Variants in MIPOL1 observed in about 807,000 individuals in gnomAD.
The protein encoded by MIPOL1 is mirror-image polydactyly gene 1 protein.
In MIPOL1, 57 loss-of-function variants were observed where a neutral mutation model predicts 60.9. The ratio of observed to expected loss-of-function variants is 0.94; its 90% CI spans 0.76 to 1.17. The LOEUF is 1.17. Among genes scored for constraint, MIPOL1 ranks in the 50% most tolerant of loss-of-function variants. The pLI, the probability that MIPOL1 is intolerant of heterozygous loss-of-function variation, is 0.00. For missense variants in MIPOL1, 551 were observed against 511.6 expected (o/e 1.08, Z -0.74); for synonymous variants, 179 against 168.8 (o/e 1.06, Z -0.47).
At chr14:37,531,308 C>T (rs2095477858) in intron 12 of MIPOL1, among the ~76,000 whole-genome samples, 1 of 152,032 alleles carries the variant, frequency 6.6e-6, no homozygotes, top group Non-Finnish European at 1.5e-5. Flanking sequence ...CTACGTTACC[C>T]TCTTTTCTTT....
chr14:37,340,527 T>G (rs1282646247), intron 9 of MIPOL1, among the ~76,000 whole-genome samples: 1 of 151,938 alleles, frequency 6.6e-6, no homozygotes, highest in Non-Finnish European at 1.5e-5. Context: ...CTGGGCAACA[T>G]AGTGAGACCC....
chr14:37,201,687 T>C (rs1965369046), intron 1 of MIPOL1, among the ~76,000 whole-genome samples: 1 of 152,206 alleles, frequency 6.6e-6, no homozygotes, highest in Non-Finnish European at 1.5e-5. Flanking sequence ...CCTTTCTTCC[T>C]TAAATGTCTC....
intron 9 of MIPOL1, among the ~76,000 whole-genome samples, chr14:37,363,580 T>C (rs960210091): frequency 1.3e-5 from 2 of 152,162 alleles, no homozygotes; most frequent in African/African-American, 4.8e-5. Flanking sequence ...TTAGGCTACA[T>C]GATTGTCAGG....
At chr14:37,234,995 G>A (rs562401854) in intron 1 of MIPOL1, among the ~76,000 whole-genome samples, 9 of 135,820 alleles carry the variant, frequency 6.6e-5, no homozygotes, top group Non-Finnish European at 1.1e-4. Context: ...GTTTCACCGT[G>A]TTAGCCAGGA....
At chr14:37,297,747 A>G (rs2085903111) in intron 7 of MIPOL1, among the ~76,000 whole-genome samples, 1 of 152,044 alleles carries the variant, frequency 6.6e-6, no homozygotes, top group African/African-American at 2.4e-5. Context: ...CCAACTTACA[A>G]GGGATGTGAA....
chr14:37,212,527 T>C (rs1202604135), intron 1 of MIPOL1, among the ~76,000 whole-genome samples: 2 of 152,132 alleles, frequency 1.3e-5, no homozygotes, highest in Non-Finnish European at 2.9e-5. Context: ...GTCTTGTGCT[T>C]TGAGTTCCAG....
At chr14:37,233,411 T>A (rs1970932379) in intron 1 of MIPOL1, among the ~76,000 whole-genome samples, 1 of 152,196 alleles carries the variant, frequency 6.6e-6, no homozygotes, top group African/African-American at 2.4e-5. Context: ...AAAAATGGAA[T>A]TAAAAGATAA....
chr14:37,403,867 A>G (rs191450779), intron 10 of MIPOL1, among the ~76,000 whole-genome samples: 7 of 152,306 alleles, frequency 4.6e-5, no homozygotes, highest in African/African-American at 1.4e-4. Context: ...GCATTCATCC[A>G]GCTCTAATCC....
chr14:37,219,927 A>G (rs1449690227), intron 1 of MIPOL1, among the ~76,000 whole-genome samples: 1 of 152,070 alleles, frequency 6.6e-6, no homozygotes, highest in African/African-American at 2.4e-5. Context: ...TCTTTGTTTT[A>G]TATTGTCTGA....
At chr14:37,423,006 T>A in intron 11 of MIPOL1, 57 bp downstream of exon 11, 4 of 1,072,846 alleles carry the variant, frequency 3.7e-6, no homozygotes, top group Non-Finnish European at 5.6e-6. Flanking sequence ...GAAATGTTTC[T>A]ACCTGATTTT....
intron 12 of MIPOL1, among the ~76,000 whole-genome samples, chr14:37,517,780 A>G (rs2095381682): frequency 6.6e-6 from 1 of 152,172 alleles, no homozygotes; most frequent in Non-Finnish European, 1.5e-5. Context: ...CTTCTCATAT[A>G]CTGCCTTTTG....
intron 12 of MIPOL1, among the ~76,000 whole-genome samples, chr14:37,528,476 A>G (rs1440219727): frequency 6.6e-6 from 1 of 152,114 alleles, no homozygotes; most frequent in Non-Finnish European, 1.5e-5. Context: ...TCAGTTAGAA[A>G]AGCAATTAGG....
intron 9 of MIPOL1, among the ~76,000 whole-genome samples, chr14:37,325,547 C>T (rs2089071701): frequency 6.7e-6 from 1 of 150,086 alleles, no homozygotes; most frequent in South Asian, 2.1e-4. Flanking sequence ...TTTTCTCCTC[C>T]TCTACCTCCT....
intron 9 of MIPOL1, among the ~76,000 whole-genome samples, chr14:37,337,178 T>C (rs553504987): frequency 4.6e-5 from 7 of 151,384 alleles, no homozygotes; most frequent in African/African-American, 1.5e-4. Context: ...GTGTTGTTAG[T>C]TGGTGTTCCT....
chr14:37,458,390 A>G lies in MIPOL1; in HGVS notation c.1031+35441A>G, dbSNP rs549959089. ...CATTTTTCTCATTTGTACATGGATCATTTTACACAATAGATAATATGTTGG... is the reference window on the plus strand; with the variant it reads ...CATTTTTCTCATTTGTACATGGATCGTTTTACACAATAGATAATATGTTGG... On this transcript the variant is annotated intron_variant, in intron 11 of 12. Transcript: ENST00000684589. 2.6e-5 allele frequency among the ~76,000 whole-genome samples: 4 copies of G among 152,304 alleles called. No homozygotes were observed. In the East Asian group the frequency reaches 7.7e-4, roughly 29 times the overall value.
intron 11 of MIPOL1, among the ~76,000 whole-genome samples, chr14:37,464,248 C>G (rs1223452717): frequency 4.9e-4 from 2 of 4,082 alleles, no homozygotes; most frequent in Non-Finnish European, 5.3e-3. Context: ...AGCAATTCCA[C>G]TACTGGATAA....
intron 9 of MIPOL1, among the ~76,000 whole-genome samples, chr14:37,357,732 T>C (rs1255505777): frequency 1.3e-5 from 2 of 152,110 alleles, no homozygotes; most frequent in Non-Finnish European, 2.9e-5. Flanking sequence ...TTATTGATTG[T>C]TTCCTTTGCT....
intron 10 of MIPOL1, among the ~76,000 whole-genome samples, chr14:37,414,993 C>T (rs2093739345): frequency 6.6e-6 from 1 of 152,138 alleles, no homozygotes; most frequent in Admixed American, 6.6e-5. Context: ...TGTGCCACCC[C>T]TGCCCCCAAA....
chr14:37,520,933 T>A (rs936845640), intron 12 of MIPOL1, among the ~76,000 whole-genome samples: 1 of 139,190 alleles, frequency 7.2e-6, no homozygotes, highest in South Asian at 2.4e-4. Flanking sequence ...TTACTTTTTT[T>A]TTTTTTTTTT....
Sources: gnomAD v4.1 joint callset for allele counts (sites outside exome capture counted in the v4.1 genomes callset) on GRCh38, gnomAD v4.1.1 for gene constraint, MANE v1.5 for transcripts, NCBI Gene and HGNC (gene_info 2026-07-23, HGNC 2026-07-21) for gene names.